Variants in CCDC73 observed in about 807,000 individuals in gnomAD.
CCDC73 encodes the protein coiled-coil domain-containing protein 73.
Under a neutral mutation model 116.5 loss-of-function variants are expected in CCDC73, and 95 were observed. The ratio of observed to expected loss-of-function variants is 0.82; its 90% CI spans 0.69 to 0.97. CCDC73 has a LOEUF of 0.97. Among genes scored for constraint, CCDC73 ranks in the 50% least tolerant of loss-of-function variants. CCDC73 has a pLI of 0.00. For synonymous variants in CCDC73, 398 were observed against 401.3 expected (o/e 0.99, Z 0.10); for missense variants, 1,066 against 1,206.8 (o/e 0.88, Z 1.73).
intron 9 of CCDC73, among the ~76,000 whole-genome samples, chr11:32,667,540 G>A (rs1433171119): frequency 7.3e-5 from 11 of 151,540 alleles, no homozygotes; most frequent in African/African-American, 1.7e-4. Context: ...GGAGTGACCC[G>A]ATTTTCCAGG....
chr11:32,659,536 G>C (rs186078660), intron 9 of CCDC73, among the ~76,000 whole-genome samples: 2 of 152,266 alleles, frequency 1.3e-5, no homozygotes, highest in Admixed American at 1.3e-4. Context: ...TTTATTTTAA[G>C]AGTAGACGAC....
chr11:32,718,392 G>C (rs1247290960), intron 2 of CCDC73, among the ~76,000 whole-genome samples: 1 of 152,094 alleles, frequency 6.6e-6, no homozygotes, highest in African/African-American at 2.4e-5. Context: ...TGCTTACCTG[G>C]GACATAAGCT....
At chr11:32,823,455 C>G in the CCDC73 span, among the ~76,000 whole-genome samples, 3 of 152,016 alleles carry the variant, frequency 2.0e-5, no homozygotes, top group African/African-American at 7.3e-5. Flanking sequence ...GCCTTGGCGA[C>G]AGAGCGAGAC....
chr11:32,761,552 C>T (rs1429472669), intron 1 of CCDC73, among the ~76,000 whole-genome samples: 1 of 152,114 alleles, frequency 6.6e-6, no homozygotes, highest in Non-Finnish European at 1.5e-5. Flanking sequence ...TTTCCATTCC[C>T]ACTGGCAATG....
chr11:32,603,053 T>G, intron 17 of CCDC73, 33 bp from the exon 18 acceptor site: 4 of 1,515,206 alleles, frequency 2.6e-6, no homozygotes, highest in Non-Finnish European at 3.6e-6. Flanking sequence ...ACCTTCGAAA[T>G]TATTATACAA....
chr11:32,660,278 T>A (rs1855911289), intron 9 of CCDC73, among the ~76,000 whole-genome samples: 1 of 145,876 alleles, frequency 6.9e-6, no homozygotes, highest in South Asian at 2.2e-4. Context: ...AGTTAACCAC[T>A]TTCAAATCAC....
the CCDC73 span, among the ~76,000 whole-genome samples, chr11:32,826,949 C>T: frequency 1.3e-5 from 2 of 152,076 alleles, no homozygotes; most frequent in Non-Finnish European, 2.9e-5. Flanking sequence ...GCAACCTCTG[C>T]CTCCTGGGTT....
At chr11:32,751,286 G>C (rs1850285464) in intron 2 of CCDC73, among the ~76,000 whole-genome samples, 1 of 152,156 alleles carries the variant, frequency 6.6e-6, no homozygotes, top group Non-Finnish European at 1.5e-5. Context: ...TTGAAGAGGG[G>C]TGGCATAAGC....
chr11:32,727,937 A>C (rs1164794953), intron 2 of CCDC73, among the ~76,000 whole-genome samples: 2 of 151,986 alleles, frequency 1.3e-5, no homozygotes, highest in Non-Finnish European at 2.9e-5. Flanking sequence ...CCTACATTTA[A>C]TAGCTGAAAT....
At chr11:32,691,747 C>T (rs1278874872) in intron 6 of CCDC73, among the ~76,000 whole-genome samples, 2 of 151,972 alleles carry the variant, frequency 1.3e-5, no homozygotes, top group South Asian at 2.1e-4. Flanking sequence ...TCATGCTTTT[C>T]GTGTTGTATC....
intron 9 of CCDC73, among the ~76,000 whole-genome samples, chr11:32,672,585 C>CACCT (rs1244586043): frequency 6.6e-6 from 1 of 152,060 alleles, no homozygotes; most frequent in Non-Finnish European, 1.5e-5. Context: ...TGTTTATTCA[C>CACCT]ACCTACTGAT....
At chr11:32,797,448 C>T (rs1850734932), upstream of CCDC73, among the ~76,000 whole-genome samples, 1 of 152,190 alleles carries the variant, frequency 6.6e-6, no homozygotes, top group Non-Finnish European at 1.5e-5. Flanking sequence ...TCTTTACTGT[C>T]TCTAGGCCTA....
chr11:32,806,124 A>G, the CCDC73 span, among the ~76,000 whole-genome samples: 1 of 152,240 alleles, frequency 6.6e-6, no homozygotes, highest in African/African-American at 2.4e-5. Context: ...TTTAACTCAC[A>G]TTGCCCTATG....
chr11:32,784,920 T>TCCCA (rs781328812), intron 1 of CCDC73, among the ~76,000 whole-genome samples: 1 of 152,200 alleles, frequency 6.6e-6, no homozygotes, highest in Non-Finnish European at 1.5e-5. Flanking sequence ...ATGCCTGTAA[T>TCCCA]CCCAGCACTT....
chr11:32,710,382 G>A (rs1457563770), intron 3 of CCDC73, among the ~76,000 whole-genome samples: 1 of 152,122 alleles, frequency 6.6e-6, no homozygotes, highest in Non-Finnish European at 1.5e-5. Flanking sequence ...GATAGGTTGT[G>A]TCACTAACTT....
At chr11:32,703,507 C>T (rs898483050) in intron 3 of CCDC73, among the ~76,000 whole-genome samples, 1 of 151,026 alleles carries the variant, frequency 6.6e-6, no homozygotes, top group African/African-American at 2.4e-5. Flanking sequence ...ATATTATTTG[C>T]TCCAAATCTT....
chr11:32,771,651 G>A (rs1850493213), intron 1 of CCDC73, among the ~76,000 whole-genome samples: 1 of 152,212 alleles, frequency 6.6e-6, no homozygotes, highest in Non-Finnish European at 1.5e-5. Context: ...CATTCAAACC[G>A]ATGGACTTTG....
chr11:32,678,261 A>G (rs12276003), intron 7 of CCDC73, among the ~76,000 whole-genome samples: 1,572 of 152,300 alleles, frequency 0.01, 26 homozygotes, highest in African/African-American at 0.036. Flanking sequence ...CCTGGGCACT[A>G]GAGTGAGACT....
At chr11:32,662,571 T>A (rs1855940911) in intron 9 of CCDC73, among the ~76,000 whole-genome samples, 2 of 152,214 alleles carry the variant, frequency 1.3e-5, no homozygotes, top group Admixed American at 6.5e-5. Context: ...GAGTCCTTTG[T>A]AGATTCTGGA....
Sources: gnomAD v4.1 joint callset for allele counts (sites outside exome capture counted in the v4.1 genomes callset) on GRCh38, gnomAD v4.1.1 for gene constraint, MANE v1.5 for transcripts, NCBI Gene and HGNC (gene_info 2026-07-23, HGNC 2026-07-21) for gene names.